Variants in CLRN1 observed in about 807,000 individuals in gnomAD.
The protein encoded by CLRN1 is clarin-1.
In CLRN1, 15 loss-of-function variants were observed where a neutral mutation model predicts 18.7. The observed-to-expected ratio is 0.80, with a 90% confidence interval of 0.54 to 1.23. The LOEUF (loss-of-function observed/expected upper bound fraction) is 1.23, where lower values mean the gene tolerates loss of function less well. Ranked by LOEUF, CLRN1 falls within the 50% of genes most tolerant of loss-of-function variation. CLRN1 has a pLI of 0.00. For synonymous variants in CLRN1, 104 were observed against 102.9 expected, an observed-to-expected ratio of 1.01 and a Z score of -0.07; for missense variants, 311 against 277.5, an observed-to-expected ratio of 1.12 and a Z score of -0.86.
At chr3:150,961,892 G>A (rs1178099853) in intron 1 of CLRN1, among the ~76,000 whole-genome samples, 3 of 152,096 alleles carry the variant, frequency 2.0e-5, no homozygotes, top group Non-Finnish European at 2.9e-5. Flanking sequence ...AGCTTCCAAA[G>A]GCTATGTGGT....
intron 1 of CLRN1, among the ~76,000 whole-genome samples, chr3:150,956,267 A>G (rs756230689): frequency 6.6e-6 from 1 of 152,278 alleles, no homozygotes; most frequent in Non-Finnish European, 1.5e-5. Context: ...GGTGCTTTCT[A>G]AAAGAATGCT....
chr3:150,930,497 A>G (rs1174018650), intron 2 of CLRN1, among the ~76,000 whole-genome samples: 1 of 152,118 alleles, frequency 6.6e-6, no homozygotes, highest in African/African-American at 2.4e-5. Flanking sequence ...ACTTTCTACC[A>G]TCCTCAGAGT....
intron 1 of CLRN1, among the ~76,000 whole-genome samples, chr3:150,953,816 C>G (rs566733775): frequency 2.2e-4 from 34 of 152,224 alleles, no homozygotes; most frequent in African/African-American, 7.9e-4. Context: ...CCACACCCGG[C>G]CAAGTACTTT....
At chr3:150,937,027 C>A (rs981055320) in intron 2 of CLRN1, among the ~76,000 whole-genome samples, 1 of 152,084 alleles carries the variant, frequency 6.6e-6, no homozygotes, top group Non-Finnish European at 1.5e-5. Context: ...TGTTTATCAC[C>A]CTCATTGTAA....
rs1416318564 is a variant in CLRN1, at chr3:150,926,588, T to C, written c.*1348A>G. 3.0e-6 allele frequency: 2 copies of C among 658,564 alleles called. No homozygotes were observed. The highest frequency in any genetic ancestry group is 5.5e-6 in the Non-Finnish European group (2 of 362,658). 40.8% of individuals were successfully genotyped at this position (658,564 alleles called of 1,614,324 possible). On this transcript the variant is annotated 3_prime_UTR_variant, in exon 3 of 3. Coordinates refer to ENST00000327047, the MANE Select transcript of CLRN1 (RefSeq NM_174878.3). ...AACCAGCATCTGGAAACTCGGTGTG[T>C]TCTGATGTCTGCTGGCGAATAGCGA...
chr3:150,960,794 A>G (rs1714987750), intron 1 of CLRN1, among the ~76,000 whole-genome samples: 2 of 152,248 alleles, frequency 1.3e-5, no homozygotes, highest in Admixed American at 1.3e-4. Flanking sequence ...TTTCTGATAA[A>G]ACTGTTAGAG....
chr3:150,948,694 T>C (rs191406069), intron 1 of CLRN1, among the ~76,000 whole-genome samples: 30 of 152,108 alleles, frequency 2.0e-4, no homozygotes, highest in African/African-American at 6.5e-4. Flanking sequence ...TCATTATCGG[T>C]CTATTTAGGG....
At position 150,949,838 on chromosome 3, in the gene CLRN1, G is replaced by A. The variant is rs531620827; in HGVS notation, c.254-8077C>T. Reference sequence around the variant, plus strand: ...TTTAAACTTCATATGGTACCAAAAAGAGCCCAAATGGCCAAGGTAATTCTA... The same window carrying A: ...TTTAAACTTCATATGGTACCAAAAAAAGCCCAAATGGCCAAGGTAATTCTA... On this transcript the variant is annotated intron_variant, in intron 1 of 2. Transcript: ENST00000327047. 2.6e-5 allele frequency among the ~76,000 whole-genome samples: 4 copies of A among 152,148 alleles called. No individual in the cohort carries two copies. The East Asian group carries it at 7.7e-4, about 29-fold the overall frequency.
chr3:150,950,973 T>C (rs898116194), intron 1 of CLRN1, among the ~76,000 whole-genome samples: 6 of 152,208 alleles, frequency 3.9e-5, no homozygotes, highest in African/African-American at 1.4e-4. Flanking sequence ...TAAAAATGAA[T>C]GAGATCATGT....
At chr3:150,942,677 CAAAT>C (rs1713924625) in intron 1 of CLRN1, 1 of 414,038 alleles carries the variant, frequency 2.4e-6, no homozygotes, top group Non-Finnish European at 4.8e-6. Flanking sequence ...AGCAAACAAA[CAAAT>C]AAACGTGATA....
In CLRN1 at chr3:150,928,217, C is replaced by A. The variant is rs758108409; in HGVS notation, c.434-16G>T. The A allele has an allele frequency of 1.9e-6, 3 of 1,613,574 alleles. No homozygotes were observed. In the African/African-American group the frequency reaches 4.0e-5, roughly 22 times the overall value. ...CCACAGGAGCCTGCAACAGAAGAAACAAGGTGTTGGGACAAATATTTCCTG... is the reference window on the plus strand; with the variant it reads ...CCACAGGAGCCTGCAACAGAAGAAAAAAGGTGTTGGGACAAATATTTCCTG... On this transcript the variant is annotated splice_polypyrimidine_tract_variant and intron_variant, in intron 2 of 2. Coordinates refer to ENST00000327047, the MANE Select transcript of CLRN1 (RefSeq NM_174878.3).
Position 150,929,113 on chromosome 3 carries a change from G to A in CLRN1, c.434-912C>T, listed in dbSNP as rs7620776. ...TCAACCTCTAGATTTTTATGTGTGAGAAAAATAAACATTTGTTTTGTTTAG... is the reference window on the plus strand; with the variant it reads ...TCAACCTCTAGATTTTTATGTGTGAAAAAAATAAACATTTGTTTTGTTTAG... On this transcript the variant is annotated intron_variant, in intron 2 of 2. Transcript: ENST00000327047. 7.7e-3 allele frequency among the ~76,000 whole-genome samples: 1,178 copies of A among 152,322 alleles called. 20 individuals are homozygous for A. The highest frequency in any genetic ancestry group is 0.027 in the African/African-American group (1,108 of 41,558).
At chr3:150,969,395 C>T (rs1314199108) in intron 1 of CLRN1, among the ~76,000 whole-genome samples, 1 of 132,290 alleles carries the variant, frequency 7.6e-6, no homozygotes, top group Non-Finnish European at 1.5e-5. Flanking sequence ...GGCGAGATCT[C>T]GGCTCACTGC....
intron 2 of CLRN1, among the ~76,000 whole-genome samples, chr3:150,934,677 C>T (rs1028620800): frequency 6.6e-6 from 1 of 152,138 alleles, no homozygotes; most frequent in Non-Finnish European, 1.5e-5. Context: ...AACTGGGAAA[C>T]ACCTAGAATG....
rs559545090 is a variant in CLRN1 at position 150,927,345 on chromosome 3, G to A, written c.*591C>T. ...CACTTTATTGCCCAGGCTGTAACTC[G>A]AACTCCTGAACTCAAATGATCTTCC... On this transcript the variant is annotated 3_prime_UTR_variant, in exon 3 of 3. Transcript: ENST00000327047. 1.7e-5 allele frequency: 7 copies of A among 414,672 alleles called. No individual in the cohort carries two copies. The highest frequency in any genetic ancestry group is 1.1e-4 in the Admixed American group (4 of 35,590). The allele number at this position is 414,672 out of a possible 1,614,324, so 25.7% of individuals were successfully genotyped here. A position where few individuals can be genotyped will look rare whatever the true frequency, so the allele number is the denominator to read the frequency against.
At chr3:150,963,793 T>C (rs1276883486) in intron 1 of CLRN1, among the ~76,000 whole-genome samples, 1 of 152,182 alleles carries the variant, frequency 6.6e-6, no homozygotes, top group Non-Finnish European at 1.5e-5. Flanking sequence ...TTGACAAACC[T>C]GACAAAAACA....
At chr3:150,934,232 T>A (rs148261667) in intron 2 of CLRN1, among the ~76,000 whole-genome samples, 20 of 152,182 alleles carry the variant, frequency 1.3e-4, no homozygotes, top group African/African-American at 4.8e-4. Flanking sequence ...TATTTTATTG[T>A]CTTTGTGTAT....
intron 1 of CLRN1, chr3:150,943,931 G>A: frequency 6.2e-7 from 1 of 1,606,484 alleles, no homozygotes; most frequent in Non-Finnish European, 8.5e-7. Flanking sequence ...GGTTGAGCAG[G>A]GCAGGCTGAG....
chr3:150,968,070 A>G (rs1715348365), intron 1 of CLRN1, among the ~76,000 whole-genome samples: 1 of 152,224 alleles, frequency 6.6e-6, no homozygotes, highest in African/African-American at 2.4e-5. Flanking sequence ...ATGATTGGTT[A>G]AATTTTATTT....
Sources: gnomAD v4.1 joint callset for allele counts (sites outside exome capture counted in the v4.1 genomes callset) on GRCh38, gnomAD v4.1.1 for gene constraint, MANE v1.5 for transcripts, NCBI Gene and HGNC (gene_info 2026-07-23, HGNC 2026-07-21) for gene names.